PPARGC1B: variants seen among roughly 807,000 people sequenced by gnomAD.
PPARGC1B encodes the protein peroxisome proliferator-activated receptor gamma coactivator 1-beta.
PPARGC1B carries 34 observed loss-of-function variants against 101.6 expected under a neutral mutation model. The ratio of observed to expected loss-of-function variants is 0.33; its 90% CI spans 0.25 to 0.45. PPARGC1B has a LOEUF of 0.45. PPARGC1B is among the 20% of genes least tolerant of loss of function. The pLI is 1.00. For missense variants in PPARGC1B, 1,234 were observed against 1,317.6 expected (o/e 0.94, Z 0.98); for synonymous variants, 548 against 539.3 (o/e 1.02, Z -0.22).
intron 3 of PPARGC1B, among the ~76,000 whole-genome samples, chr5:149,828,389 A>T (rs1758611500): frequency 6.6e-6 from 1 of 152,214 alleles, no homozygotes; most frequent in South Asian, 2.1e-4. Flanking sequence ...ATCTATAAAG[A>T]GGGGTTAATA....
intron 3 of PPARGC1B, among the ~76,000 whole-genome samples, chr5:149,828,769 G>A (rs143557236): frequency 2.6e-5 from 4 of 152,186 alleles, no homozygotes; most frequent in Non-Finnish European, 4.4e-5. Context: ...CTGAGGGACC[G>A]GGCACAGTGG....
At position 149,837,004 on chromosome 5, in the gene PPARGC1B, C is replaced by T; in HGVS notation, c.2549C>T (p.Ser850Phe). Residue 850 changes from serine to phenylalanine, a missense_variant, in exon 8 of 12, where the codon TCC (serine) becomes TTC (phenylalanine). Physicochemically the swap from Ser to Phe is radical, Grantham distance 155. Coordinates refer to ENST00000309241, the MANE Select transcript of PPARGC1B (RefSeq NM_133263.4). The surrounding 1 kb of genome is among the most constrained non-coding windows in gnomAD (Gnocchi z 4.2). ...PPSKANRQLC[S>F]RSRSSSGSSP... ...AGCAAGGCCAACCGGCAGCTCTGTTCCCGCAGCCGCTCAAGCTCTGGCTCT... is the reference window on the plus strand; with the variant it reads ...AGCAAGGCCAACCGGCAGCTCTGTTTCCGCAGCCGCTCAAGCTCTGGCTCT... 6.2e-7 allele frequency: 1 copy of T among 1,613,974 alleles called. No homozygotes were observed. The highest frequency in any genetic ancestry group is 2.2e-5 in the East Asian group (1 of 44,878).
intron 2 of PPARGC1B, among the ~76,000 whole-genome samples, chr5:149,824,241 C>A (rs943995064): frequency 6.6e-6 from 1 of 152,022 alleles, no homozygotes; most frequent in Non-Finnish European, 1.5e-5. Flanking sequence ...CCTTGGTACT[C>A]TCCCTGGGAA....
At chr5:149,839,662 A>G (rs1029565713) in intron 8 of PPARGC1B, among the ~76,000 whole-genome samples, 2 of 152,200 alleles carry the variant, frequency 1.3e-5, no homozygotes, top group Non-Finnish European at 2.9e-5. Flanking sequence ...CATCTGGAAA[A>G]TGGAGAAACA....
At chr5:149,783,281 A>G (rs1253639610) in intron 1 of PPARGC1B, among the ~76,000 whole-genome samples, 1 of 152,198 alleles carries the variant, frequency 6.6e-6, no homozygotes. Context: ...AATGGGCTGC[A>G]CAGTTTTTCA....
At chr5:149,771,101 A>G (rs1412222122) in intron 1 of PPARGC1B, among the ~76,000 whole-genome samples, 1 of 152,170 alleles carries the variant, frequency 6.6e-6, no homozygotes, top group Admixed American at 6.5e-5. Context: ...TGTTGAGAGC[A>G]GGGTGAGCGT....
chr5:149,856,839 C>T (rs2113477909), downstream of PPARGC1B, among the ~76,000 whole-genome samples: 1 of 147,008 alleles, frequency 6.8e-6, no homozygotes, highest in South Asian at 2.2e-4. Context: ...GGTGCAATCT[C>T]GGCTCACTGG....
chr5:149,835,962 T>TC (rs1343639835), intron 7 of PPARGC1B, among the ~76,000 whole-genome samples: 1 of 150,448 alleles, frequency 6.6e-6, no homozygotes, highest in Non-Finnish European at 1.5e-5. Flanking sequence ...TTTTTTCTTT[T>TC]TTTTTTTTTT....
chr5:149,788,243 AC>A (rs1248347840), intron 1 of PPARGC1B, among the ~76,000 whole-genome samples: 1 of 152,138 alleles, frequency 6.6e-6, no homozygotes, highest in African/African-American at 2.4e-5. Flanking sequence ...AAATCAAACA[AC>A]CCCATCAACA....
rs903069887 is a variant in PPARGC1B, at chr5:149,730,532, G to A, written c.78+112G>A. ...GGTGGGAGCCCTGGGGTAACTGGGG[G>A]TTCCAGGCTGCAGAGCCCCCCTTCC... On this transcript the variant is annotated intron_variant, in intron 1 of 11. Transcript: ENST00000309241. The surrounding 1 kb of genome is among the most constrained non-coding windows in gnomAD (Gnocchi z 4.0). 12 of 813,416 alleles carry A rather than the reference G, an allele frequency of 1.5e-5. No individual in the cohort carries two copies. The highest frequency in any genetic ancestry group is 2.2e-5 in the Non-Finnish European group (12 of 545,110). 50.4% of individuals were successfully genotyped at this position (813,416 alleles called of 1,614,324 possible). A position where few individuals can be genotyped will look rare whatever the true frequency, so the allele number is the denominator to read the frequency against.
Position 149,730,930 on chromosome 5 carries a change from C to G in PPARGC1B, c.78+510C>G, listed in dbSNP as rs1044208145. Among the ~76,000 whole-genome samples, 1 of 152,250 alleles carries G rather than the reference C, an allele frequency of 6.6e-6. No individual in the cohort carries two copies. Among genetic ancestry groups the G allele is most frequent in the African/African-American group, 2.4e-5 (1 of 41,468 alleles). ...CCCCCCGCGGCTTTCTACCCGCGCC[C>G]GCAGCGCGGAGTTTCCTGCCAGTTG... On this transcript the variant is annotated intron_variant, in intron 1 of 11. Transcript: ENST00000309241. The surrounding 1 kb of genome is among the most constrained non-coding windows in gnomAD (Gnocchi z 4.0).
intron 3 of PPARGC1B, among the ~76,000 whole-genome samples, chr5:149,827,658 T>C (rs1328865944): frequency 6.6e-6 from 1 of 152,232 alleles, no homozygotes; most frequent in Non-Finnish European, 1.5e-5. Context: ...ACTTGCAGAT[T>C]GCCCTCCAAA....
At chr5:149,790,975 C>CAAACTGG (rs1425949315) in intron 1 of PPARGC1B, among the ~76,000 whole-genome samples, 1 of 152,052 alleles carries the variant, frequency 6.6e-6, no homozygotes, top group East Asian at 1.9e-4. Flanking sequence ...GTAAGAGAAC[C>CAAACTGG]AAACTGGGTC....
intron 1 of PPARGC1B, among the ~76,000 whole-genome samples, chr5:149,757,425 C>T (rs1286626488): frequency 1.3e-5 from 2 of 151,996 alleles, no homozygotes; most frequent in Non-Finnish European, 2.9e-5. Context: ...GCCAAGTCAG[C>T]CTGGGTGAGG....
At chr5:149,778,811 A>G (rs911454098) in intron 1 of PPARGC1B, among the ~76,000 whole-genome samples, 10 of 152,092 alleles carry the variant, frequency 6.6e-5, no homozygotes, top group Non-Finnish European at 1.0e-4. Flanking sequence ...CCTCAGTTTC[A>G]TTGTTTGAAA....
rs773327511 is a variant in PPARGC1B, at chr5:149,847,515, A to G, written c.3029A>G (p.Asp1010Gly). 3 of 1,614,146 alleles carry G rather than the reference A, an allele frequency of 1.9e-6. No homozygotes were observed. In the South Asian group the frequency reaches 3.3e-5, roughly 18 times the overall value. The change falls in exon 12 of 12, where the codon GAT (aspartate) becomes GGT (glycine). Residue 1010 changes from aspartate (D) to glycine (G), a missense_variant. Coordinates refer to ENST00000309241, the MANE Select transcript of PPARGC1B (RefSeq NM_133263.4). The part of the protein sequence containing the change: ...ASGKSKYEAM[D>G]FDSLLKEAQQ... ...GGGAAAAGCAAGTATGAAGCCATGG[A>G]TTTTGACAGCTTACTGAAAGAGGCC...
At chr5:149,753,941 A>T (rs1755413803) in intron 1 of PPARGC1B, among the ~76,000 whole-genome samples, 1 of 152,106 alleles carries the variant, frequency 6.6e-6, no homozygotes, top group African/African-American at 2.4e-5. Context: ...TGATCCGCCT[A>T]CCTCGGCCTC....
chr5:149,827,016 A>C (rs1581101998), intron 3 of PPARGC1B, 131 bp downstream of exon 3: 2 of 746,704 alleles, frequency 2.7e-6, no homozygotes, highest in Non-Finnish European at 4.5e-6. Context: ...TATTGATCAC[A>C]GCAGAGAGCG....
At chr5:149,771,616 A>G (rs1474283727) in intron 1 of PPARGC1B, among the ~76,000 whole-genome samples, 1 of 152,226 alleles carries the variant, frequency 6.6e-6, no homozygotes, top group African/African-American at 2.4e-5. Context: ...AACAGGAGCC[A>G]CCTGTTACCG....
Sources: gnomAD v4.1 joint callset for allele counts (sites outside exome capture counted in the v4.1 genomes callset) on GRCh38, gnomAD v4.1.1 for gene constraint, Gnocchi (gnomAD v3.1) non-coding constraint, MANE v1.5 for transcripts, NCBI Gene and HGNC (gene_info 2026-07-23, HGNC 2026-07-21) for gene names.